The following TRPM7 variants were observed in gnomAD, a reference collection of about 807,000 sequenced individuals.
The protein encoded by TRPM7 is LTRPC ion channel family member 7.
Under a neutral mutation model 229.7 loss-of-function variants are expected in TRPM7, and 134 were observed. That is an observed-to-expected ratio of 0.58 (90% CI 0.51 to 0.67). The LOEUF is 0.67. Among genes scored for constraint, TRPM7 ranks in the 30% least tolerant of loss-of-function variants. The pLI, the probability that TRPM7 is intolerant of heterozygous loss-of-function variation, is 0.00. For synonymous variants in TRPM7, 699 were observed against 715.2 expected (o/e 0.98, Z 0.36); for missense variants, 1,901 against 2,210.0 (o/e 0.86, Z 2.80).
At chr15:50,661,749 G>A (rs12916510) in intron 2 of TRPM7, among the ~76,000 whole-genome samples, 2 of 152,246 alleles carry the variant, frequency 1.3e-5, no homozygotes, top group African/African-American at 4.8e-5. Flanking sequence ...TAAATGGGTA[G>A]AGAACACAGT....
chr15:50,653,867 T>C (rs2061488878), intron 3 of TRPM7, among the ~76,000 whole-genome samples: 1 of 152,162 alleles, frequency 6.6e-6, no homozygotes, highest in African/African-American at 2.4e-5. Context: ...TGTGTGGGTC[T>C]GTGAACGGGG....
At position 50,561,593 on chromosome 15, in the gene TRPM7, C is replaced by T. The variant is rs2053312601; in HGVS notation, c.*85G>A. ...AACTTGCATACACCTTTCTATATTA[C>T]CAAACAATTTCCTCCCGAGGGAAAA... On this transcript the variant is annotated 3_prime_UTR_variant, in exon 39 of 39. Coordinates refer to ENST00000646667, the MANE Select transcript of TRPM7 (RefSeq NM_017672.6). The T allele has an allele frequency of 6.5e-7, 1 of 1,534,522 alleles. No homozygotes were observed. The highest frequency in any genetic ancestry group is 8.9e-7 in the Non-Finnish European group (1 of 1,126,668).
intron 1 of TRPM7, among the ~76,000 whole-genome samples, chr15:50,668,242 G>A (rs1239321468): frequency 6.6e-6 from 1 of 152,152 alleles, no homozygotes; most frequent in Non-Finnish European, 1.5e-5. Flanking sequence ...TGTCATGGAG[G>A]GCTGGAATGT....
At position 50,619,744 on chromosome 15, in the gene TRPM7, C is replaced by A; in HGVS notation, c.1494+1G>T. On this transcript the variant is annotated splice_donor_variant, in intron 13 of 38. Coordinates refer to ENST00000646667, the MANE Select transcript of TRPM7 (RefSeq NM_017672.6). LOFTEE classifies it high-confidence loss of function. ...TTCAAAAGCAAAAAATAATCTCTTACCTGTTTGACGTCTCGAACAAGATGA... is the reference window on the plus strand; with the variant it reads ...TTCAAAAGCAAAAAATAATCTCTTAACTGTTTGACGTCTCGAACAAGATGA... 1 of 1,585,552 alleles carries A rather than the reference C, an allele frequency of 6.3e-7. No individual in the cohort carries two copies.
chr15:50,597,292 A>C (rs1205359088), intron 22 of TRPM7, among the ~76,000 whole-genome samples: 1 of 152,230 alleles, frequency 6.6e-6, no homozygotes, highest in Non-Finnish European at 1.5e-5. Context: ...AAAGTAAATT[A>C]GGCAGGGCGA....
At chr15:50,672,752 A>T (rs1363523941) in intron 1 of TRPM7, among the ~76,000 whole-genome samples, 3 of 151,816 alleles carry the variant, frequency 2.0e-5, no homozygotes, top group South Asian at 2.1e-4. Context: ...ACTACTAAAA[A>T]TATAAAAATT....
At chr15:50,621,198 G>A (rs191171622) in intron 12 of TRPM7, among the ~76,000 whole-genome samples, 4 of 146,902 alleles carry the variant, frequency 2.7e-5, no homozygotes, top group African/African-American at 7.5e-5. Flanking sequence ...TTATTTAGTC[G>A]ATCAACTCAG....
Position 50,594,775 on chromosome 15 carries a change from A to C in TRPM7, c.3291-162T>G, listed in dbSNP as rs646856. ...ATGAGAAACTAGAAAAGATACAGGC[A>C]GTAAGTATAAGGCAAAGACTAACAT... On this transcript the variant is annotated intron_variant, in intron 23 of 38. Transcript: ENST00000646667. Among the ~76,000 whole-genome samples the C allele has an allele frequency of 0.075, 11,436 of 152,308 alleles. 555 individuals are homozygous for C. The highest frequency in any genetic ancestry group is 0.12 in the South Asian group (587 of 4,826).
chr15:50,672,143 T>C (rs74497454), intron 1 of TRPM7, among the ~76,000 whole-genome samples: 3,079 of 152,154 alleles, frequency 0.02, 122 homozygotes, highest in African/African-American at 0.071. Context: ...CAAGCTCATC[T>C]CCCGGGTTCA....
At chr15:50,683,433 C>T (rs978820434) in intron 1 of TRPM7, among the ~76,000 whole-genome samples, 6 of 149,786 alleles carry the variant, frequency 4.0e-5, no homozygotes, top group African/African-American at 1.5e-4. Flanking sequence ...TCAATCTTAA[C>T]ATTTAAAAAA....
chr15:50,620,503 A>G (rs745795351), intron 12 of TRPM7, among the ~76,000 whole-genome samples: 1 of 152,118 alleles, frequency 6.6e-6, no homozygotes, highest in Non-Finnish European at 1.5e-5. Context: ...GCCACCTACC[A>G]TTATTTCTTT....
intron 31 of TRPM7, among the ~76,000 whole-genome samples, chr15:50,576,315 C>T (rs1566944628): frequency 6.6e-6 from 1 of 152,098 alleles, no homozygotes; most frequent in Non-Finnish European, 1.5e-5. Context: ...GTGAAACATA[C>T]CCATCAAAAG....
intron 4 of TRPM7, 148 bp from the exon 5 acceptor site, chr15:50,643,701 G>T (rs989470731): frequency 1.6e-6 from 1 of 608,356 alleles, no homozygotes; most frequent in East Asian, 2.8e-5. Context: ...ATACTCCAAG[G>T]AATAAGCAAT....
intron 7 of TRPM7, among the ~76,000 whole-genome samples, chr15:50,636,501 TTTTAGCAAAAGTTCTGAC>T (rs1266880525): frequency 6.6e-6 from 1 of 152,166 alleles, no homozygotes. Context: ...CATTCTTAAC[TTTTAGCAAAAGTTCTGAC>T]TCCACCATAA....
At chr15:50,685,950 A>G (rs958251425) in intron 1 of TRPM7, among the ~76,000 whole-genome samples, 1 of 152,158 alleles carries the variant, frequency 6.6e-6, no homozygotes, top group Non-Finnish European at 1.5e-5. Context: ...AAAAAGATCT[A>G]CCATCAATAT....
In TRPM7 at chr15:50,612,411, T is replaced by C. The variant is rs151314739; in HGVS notation, c.2051+138A>G. On this transcript the variant is annotated intron_variant, in intron 16 of 38. Transcript: ENST00000646667. The stretch of plus-strand genomic sequence containing the variant: ...TTTTAATTAAAAAAATATATACTTA[T>C]ATAATTTTCTGTCAATTGTACCAAT... 14 of 574,296 alleles carry C rather than the reference T, an allele frequency of 2.4e-5. No individual in the cohort carries two copies. In the East Asian group the frequency reaches 4.0e-4, roughly 16 times the overall value. 35.6% of individuals were successfully genotyped at this position (574,296 alleles called of 1,614,324 possible).
At chr15:50,581,468 C>T (rs1566951477) in intron 29 of TRPM7, among the ~76,000 whole-genome samples, 1 of 150,840 alleles carries the variant, frequency 6.6e-6, no homozygotes, top group Non-Finnish European at 1.5e-5. Flanking sequence ...CATTGCACTC[C>T]AGCCTAGGCG....
At chr15:50,625,926 GATT>G (rs2060545639) in intron 11 of TRPM7, among the ~76,000 whole-genome samples, 1 of 129,002 alleles carries the variant, frequency 7.8e-6, no homozygotes. Flanking sequence ...TTTTACTTAA[GATT>G]ATTTCCTTCT....
intron 26 of TRPM7, among the ~76,000 whole-genome samples, chr15:50,590,841 A>AAG (rs572123281): frequency 3.0e-4 from 45 of 149,952 alleles, no homozygotes; most frequent in South Asian, 8.5e-4. Context: ...AAAAAAAAAA[A>AAG]GGGGGAATAT....
Sources: gnomAD v4.1 joint callset for allele counts (sites outside exome capture counted in the v4.1 genomes callset) on GRCh38, gnomAD v4.1.1 for gene constraint, MANE v1.5 for transcripts, NCBI Gene and HGNC (gene_info 2026-07-23, HGNC 2026-07-21) for gene names.